LRRC7: variants seen among roughly 807,000 people sequenced by gnomAD.
LRRC7 encodes leucine rich repeat containing 7.
In LRRC7, 23 loss-of-function variants were observed where a neutral mutation model predicts 175.7. The ratio of observed to expected loss-of-function variants is 0.13; its 90% CI spans 0.09 to 0.19. LRRC7 has a LOEUF of 0.19. Ranked by LOEUF, LRRC7 falls within the 10% of genes least tolerant of loss-of-function variation. The probability of loss-of-function intolerance (pLI) is 1.00; values close to 1 mark genes in which losing one functional copy is unlikely to be tolerated. For missense variants in LRRC7, 1,354 were observed against 1,904.7 expected (o/e 0.71, Z 5.38); for synonymous variants, 685 against 680.9 (o/e 1.01, Z -0.09).
At chr1:69,678,842 C>T (rs1660129348) in intron 2 of LRRC7, among the ~76,000 whole-genome samples, 1 of 152,228 alleles carries the variant, frequency 6.6e-6, no homozygotes, top group African/African-American at 2.4e-5. Context: ...AAAGTCAACA[C>T]TTTCCAGTTT....
intron 7 of LRRC7, among the ~76,000 whole-genome samples, chr1:69,839,506 G>A (rs1393986838): frequency 2.0e-5 from 3 of 152,102 alleles, no homozygotes; most frequent in African/African-American, 7.2e-5. Context: ...AAATATGGTT[G>A]AGGGTGTTAA....
intron 1 of LRRC7, among the ~76,000 whole-genome samples, chr1:69,672,734 C>T (rs1659255447): frequency 6.6e-6 from 1 of 152,170 alleles, no homozygotes; most frequent in South Asian, 2.1e-4. Context: ...TCACATCCTT[C>T]ATTCACTAGC....
intron 23 of LRRC7, among the ~76,000 whole-genome samples, chr1:70,063,681 A>G (rs373426880): frequency 6.6e-6 from 1 of 152,034 alleles, no homozygotes; most frequent in South Asian, 2.1e-4. Flanking sequence ...GGTGAAATAA[A>G]TTGTTGTCAA....
At position 69,999,430 on chromosome 1, in the gene LRRC7, G is replaced by A. The variant is rs147568614; in HGVS notation, c.1004+4797G>A. Among the ~76,000 whole-genome samples, 8 of 152,248 alleles carry A rather than the reference G, an allele frequency of 5.3e-5. No individual in the cohort carries two copies. The East Asian group carries it at 1.4e-3, about 26-fold the overall frequency. ...CACAAAGCCAGAAAAAAATACTTAT[G>A]TTTGGTGACAGAAGCAGTATTTCAA... On this transcript the variant is annotated intron_variant, in intron 11 of 26. Transcript: ENST00000651989.
chr1:69,963,324 G>C (rs555626504), intron 8 of LRRC7, among the ~76,000 whole-genome samples: 32 of 150,396 alleles, frequency 2.1e-4, no homozygotes, highest in Admixed American at 1.3e-3. Context: ...AAAAAAGAAA[G>C]AAAGAAACAA....
At chr1:69,918,198 A>G (rs1459640832) in intron 7 of LRRC7, among the ~76,000 whole-genome samples, 1 of 152,192 alleles carries the variant, frequency 6.6e-6, no homozygotes, top group Non-Finnish European at 1.5e-5. Flanking sequence ...ACATCCTACA[A>G]TGCACACGAT....
chr1:70,028,455 T>C lies in LRRC7; in HGVS notation c.1995+84T>C, dbSNP rs941838924. 5 of 1,160,030 alleles carry C rather than the reference T, an allele frequency of 4.3e-6. No individual in the cohort carries two copies. The African/African-American group carries it at 7.8e-5, about 18-fold the overall frequency. 71.9% of individuals were successfully genotyped at this position (1,160,030 alleles called of 1,614,324 possible). On this transcript the variant is annotated intron_variant, in intron 18 of 26. Coordinates refer to ENST00000651989, the MANE Select transcript of LRRC7 (RefSeq NM_001370785.2). ...TGTTTTTTAACTGAATAGATCTTCCTTGATAAGTGCATTTTTTTCCTAAAA... is the reference window on the plus strand; with the variant it reads ...TGTTTTTTAACTGAATAGATCTTCCCTGATAAGTGCATTTTTTTCCTAAAA...
intron 3 of LRRC7, among the ~76,000 whole-genome samples, chr1:69,790,938 AT>A (rs993622713): frequency 3.3e-5 from 5 of 151,944 alleles, no homozygotes; most frequent in African/African-American, 1.2e-4. Context: ...AGCCCAATTT[AT>A]TTTTTAAAGG....
intron 4 of LRRC7, among the ~76,000 whole-genome samples, chr1:69,793,024 G>A (rs1259516219): frequency 6.6e-6 from 1 of 152,070 alleles, no homozygotes; most frequent in Non-Finnish European, 1.5e-5. Context: ...CATTAAGATA[G>A]TCAGTTAAAC....
intron 25 of LRRC7, among the ~76,000 whole-genome samples, chr1:70,105,275 G>C (rs1665066233): frequency 6.6e-6 from 1 of 152,062 alleles, no homozygotes; most frequent in South Asian, 2.1e-4. Flanking sequence ...CATTTTTACA[G>C]CTGAATTGGC....
At chr1:69,763,946 T>C (rs1360221997) in intron 3 of LRRC7, among the ~76,000 whole-genome samples, 1 of 152,028 alleles carries the variant, frequency 6.6e-6, no homozygotes, top group Non-Finnish European at 1.5e-5. Context: ...ACAGAGAATA[T>C]TATAATTGGT....
At chr1:70,009,344 T>C (rs1175045980) in intron 11 of LRRC7, among the ~76,000 whole-genome samples, 1 of 148,114 alleles carries the variant, frequency 6.8e-6, no homozygotes, top group African/African-American at 2.6e-5. Flanking sequence ...CTTTTTTTTC[T>C]TTCTTTCTTT....
chr1:69,627,021 C>T (rs192244253), intron 1 of LRRC7, among the ~76,000 whole-genome samples: 131 of 152,158 alleles, frequency 8.6e-4, no homozygotes, highest in African/African-American at 3.0e-3. Flanking sequence ...GTGAATAGTG[C>T]CACAATAAAC....
chr1:70,036,710 G>C, intron 20 of LRRC7, 86 bp downstream of exon 20: 1 of 1,402,396 alleles, frequency 7.1e-7, no homozygotes, highest in East Asian at 2.3e-5. Context: ...TTTTGGAATT[G>C]TATTCGGCAC....
intron 7 of LRRC7, among the ~76,000 whole-genome samples, chr1:69,888,505 C>A (rs1020381488): frequency 1.3e-5 from 2 of 152,246 alleles, no homozygotes; most frequent in Admixed American, 6.5e-5. Flanking sequence ...CACTGACCTG[C>A]ACCCACTGTC....
intron 1 of LRRC7, among the ~76,000 whole-genome samples, chr1:69,635,072 C>T (rs1205939114): frequency 6.6e-6 from 1 of 152,016 alleles, no homozygotes; most frequent in Non-Finnish European, 1.5e-5. Flanking sequence ...CTGATCTCTT[C>T]CCTCCTCCAC....
chr1:69,831,279 T>G (rs1257593128), intron 5 of LRRC7, among the ~76,000 whole-genome samples: 1 of 152,036 alleles, frequency 6.6e-6, no homozygotes, highest in Non-Finnish European at 1.5e-5. Flanking sequence ...TGTTTTGAAT[T>G]ACAAGACATC....
At chr1:70,102,352 C>A (rs775889875) in intron 25 of LRRC7, among the ~76,000 whole-genome samples, 1 of 152,068 alleles carries the variant, frequency 6.6e-6, no homozygotes, top group African/African-American at 2.4e-5. Context: ...TGCCAATGTC[C>A]CCTTATTTGT....
chr1:70,084,141 G>A (rs1663426602), intron 24 of LRRC7, among the ~76,000 whole-genome samples: 1 of 152,024 alleles, frequency 6.6e-6, no homozygotes, highest in Non-Finnish European at 1.5e-5. Context: ...CTGTCATGAT[G>A]ACCTTGTTTT....
Sources: allele counts gnomAD v4.1 joint callset (sites outside exome capture counted in the v4.1 genomes callset), GRCh38; gene constraint gnomAD v4.1.1; transcripts MANE v1.5; gene names NCBI Gene and HGNC (gene_info 2026-07-23, HGNC 2026-07-21).